PXT1: variants seen among roughly 807,000 people sequenced by gnomAD.
The protein encoded by PXT1 is peroxisomal testis-specific protein 1.
In PXT1, 11 loss-of-function variants were observed where a neutral mutation model predicts 11.0. The ratio of observed to expected loss-of-function variants is 1.00; its 90% CI spans 0.63 to 1.66. PXT1 has a LOEUF of 1.66. Among genes scored for constraint, PXT1 ranks in the 40% most tolerant of loss-of-function variants. The pLI is 0.00. For synonymous variants in PXT1, 43 were observed against 51.4 expected (o/e 0.84, Z 0.70); for missense variants, 141 against 155.5 (o/e 0.91, Z 0.49).
intron 3 of PXT1, among the ~76,000 whole-genome samples, chr6:36,402,928 A>C (rs921045727): frequency 2.1e-5 from 3 of 145,900 alleles, no homozygotes; most frequent in African/African-American, 7.6e-5. Context: ...TTTTCTTTTT[A>C]TTTTTCTTTT....
intron 2 of PXT1, among the ~76,000 whole-genome samples, chr6:36,429,342 G>A (rs1774655816): frequency 3.3e-5 from 1 of 30,754 alleles, no homozygotes; most frequent in Non-Finnish European, 6.5e-5. Flanking sequence ...ATATAACCAG[G>A]AAATCTCAGA....
chr6:36,442,498 T>C (rs902541938), intron 1 of PXT1, 37 bp downstream of exon 1: 2 of 152,212 alleles, frequency 1.3e-5, no homozygotes, highest in Non-Finnish European at 2.9e-5. Context: ...TTCCGGTTGA[T>C]TTAAAATTTG....
At chr6:36,433,766 G>A (rs1774725847) in intron 2 of PXT1, among the ~76,000 whole-genome samples, 3 of 149,384 alleles carry the variant, frequency 2.0e-5, no homozygotes, top group African/African-American at 4.9e-5. Flanking sequence ...CAGAGATTGC[G>A]GTGAGCTCTG....
intron 2 of PXT1, among the ~76,000 whole-genome samples, chr6:36,431,751 G>A (rs1214148300): frequency 1.3e-5 from 2 of 152,036 alleles, no homozygotes; most frequent in East Asian, 1.9e-4. Flanking sequence ...GGGCAATAGA[G>A]TGAGACCCTG....
At position 36,392,664 on chromosome 6, in the gene PXT1, A is replaced by G. The variant is rs1418780503; in HGVS notation, c.301-790T>C. 2.6e-5 allele frequency among the ~76,000 whole-genome samples: 4 copies of G among 152,168 alleles called. No individual in the cohort carries two copies. The East Asian group carries it at 7.7e-4, about 29-fold the overall frequency. On this transcript the variant is annotated intron_variant, in intron 4 of 4. Coordinates refer to ENST00000454782, the MANE Select transcript of PXT1 (RefSeq NM_152990.4). ...CAACAGAGGGAGATCCTGTCTCAAT[A>G]ATAATAATAATAATTAATAATGTCT...
intron 3 of PXT1, among the ~76,000 whole-genome samples, chr6:36,416,058 G>A (rs1370355945): frequency 6.6e-6 from 1 of 152,076 alleles, no homozygotes; most frequent in Non-Finnish European, 1.5e-5. Context: ...AAAGTGGCAG[G>A]GCAGGGTGGC....
intron 3 of PXT1, 109 bp downstream of exon 3, chr6:36,425,805 A>AAT (rs148236984): frequency 0.044 from 14,423 of 329,892 alleles, 171 homozygotes; most frequent in South Asian, 0.077. Context: ...AAAAACAAAA[A>AAT]ATATATATAT....
At chr6:36,391,903 A>G (rs780742806) in intron 4 of PXT1, 29 bp from the exon 5 acceptor site, 4 of 1,326,264 alleles carry the variant, frequency 3.0e-6, no homozygotes, top group East Asian at 2.5e-5. Context: ...ACACAGAGAA[A>G]GGTTTTTTTT....
At chr6:36,414,889 T>A (rs1386333817) in intron 3 of PXT1, among the ~76,000 whole-genome samples, 1 of 152,216 alleles carries the variant, frequency 6.6e-6, no homozygotes, top group Non-Finnish European at 1.5e-5. Flanking sequence ...GTTTCTTTTA[T>A]GAGGATTTTA....
At position 36,405,562 on chromosome 6, in the gene PXT1, G is replaced by A. The variant is rs143843571; in HGVS notation, c.170-4978C>T. On this transcript the variant is annotated intron_variant, in intron 3 of 4. Transcript: ENST00000454782. ...CCTGGCTTTTTGTAGTTTTTTAGTA[G>A]AGACGAGGTTTCACCATGTTAGCCA... is the stretch of plus-strand genomic sequence containing the variant. Among the ~76,000 whole-genome samples the A allele has an allele frequency of 1.3e-3, 193 of 152,188 alleles. 1 individual carries two copies. The highest frequency in any genetic ancestry group is 4.1e-3 in the African/African-American group (171 of 41,508).
At position 36,402,163 on chromosome 6, in the gene PXT1, T is replaced by C. The variant is rs9470269; in HGVS notation, c.170-1579A>G. On this transcript the variant is annotated intron_variant, in intron 3 of 4. Transcript: ENST00000454782. Reference sequence around the variant, plus strand: ...TCTCCTTGATGAGCTCTCCAAACTTTATTTGCTTCCAGCAACCAATGAGCG... The same window carrying C: ...TCTCCTTGATGAGCTCTCCAAACTTCATTTGCTTCCAGCAACCAATGAGCG... 5.6e-3 allele frequency among the ~76,000 whole-genome samples: 847 copies of C among 152,236 alleles called. 6 individuals carry two copies. Among genetic ancestry groups the C allele is most frequent in the African/African-American group, 0.019 (803 of 41,542 alleles).
intron 3 of PXT1, among the ~76,000 whole-genome samples, chr6:36,410,699 C>T (rs1021090636): frequency 6.6e-6 from 1 of 152,220 alleles, no homozygotes. Flanking sequence ...AAAGCAGAAG[C>T]TTCTTGATGG....
intron 2 of PXT1, among the ~76,000 whole-genome samples, chr6:36,431,466 G>C (rs897392410): frequency 2.0e-5 from 3 of 152,092 alleles, no homozygotes; most frequent in Non-Finnish European, 4.4e-5. Flanking sequence ...AGTCATGTTG[G>C]GCGTTACAAG....
rs542322330 is a variant in PXT1, at chr6:36,431,370, A to G, written c.-9-5279T>C. Among the ~76,000 whole-genome samples, 5 of 152,294 alleles carry G rather than the reference A, an allele frequency of 3.3e-5. No individual in the cohort carries two copies. The South Asian group carries it at 8.3e-4, about 25-fold the overall frequency. On this transcript the variant is annotated intron_variant, in intron 2 of 4. Coordinates refer to ENST00000454782, the MANE Select transcript of PXT1 (RefSeq NM_152990.4). ...TACTGAATGCCAGGCACTGCTCTGG[A>G]CCCTGGGGATATAGCAGTGAACAAG...
At chr6:36,420,177 T>TTATC (rs553772533) in intron 3 of PXT1, among the ~76,000 whole-genome samples, 5 of 152,212 alleles carry the variant, frequency 3.3e-5, no homozygotes, top group Non-Finnish European at 7.3e-5. Context: ...GGGAGCAATG[T>TTATC]TATCTATCTA....
At chr6:36,399,855 G>T (rs539830848) in intron 4 of PXT1, among the ~76,000 whole-genome samples, 1 of 152,102 alleles carries the variant, frequency 6.6e-6, no homozygotes, top group Admixed American at 6.5e-5. Flanking sequence ...CTAAGAAACC[G>T]GCCAGGGTAG....
At chr6:36,396,729 G>T (rs1774149322) in intron 4 of PXT1, among the ~76,000 whole-genome samples, 1 of 152,204 alleles carries the variant, frequency 6.6e-6, no homozygotes, top group South Asian at 2.1e-4. Context: ...ATAAGCCTTG[G>T]GCTCAGCCAG....
intron 3 of PXT1, among the ~76,000 whole-genome samples, chr6:36,402,905 C>A (rs1298575994): frequency 2.0e-5 from 3 of 152,032 alleles, no homozygotes; most frequent in Non-Finnish European, 4.4e-5. Flanking sequence ...GCAGTTGGAC[C>A]AAGCATCAGT....
chr6:36,423,097 T>C (rs1774545614), intron 3 of PXT1, among the ~76,000 whole-genome samples: 2 of 152,348 alleles, frequency 1.3e-5, no homozygotes, highest in African/African-American at 4.8e-5. Context: ...GTTATGTTTG[T>C]ATGTGTAGAG....
Sources: allele counts gnomAD v4.1 joint callset (sites outside exome capture counted in the v4.1 genomes callset), GRCh38; gene constraint gnomAD v4.1.1; transcripts MANE v1.5; gene names NCBI Gene and HGNC (gene_info 2026-07-23, HGNC 2026-07-21).